Variants in TESK2 observed in about 807,000 individuals in gnomAD.
TESK2 encodes testis associated actin remodelling kinase 2, also known as dual specificity testis-specific protein kinase 2.
Under a neutral mutation model 57.1 loss-of-function variants are expected in TESK2, and 39 were observed. That is an observed-to-expected ratio of 0.68 (90% CI 0.53 to 0.89). The LOEUF (loss-of-function observed/expected upper bound fraction) is 0.89, where lower values mean the gene tolerates loss of function less well. Among genes scored for constraint, TESK2 ranks in the 40% least tolerant of loss-of-function variants. The pLI is 0.00. For missense variants in TESK2, 646 were observed against 732.1 expected, an observed-to-expected ratio of 0.88 and a Z score of 1.36; for synonymous variants, 249 against 267.9, an observed-to-expected ratio of 0.93 and a Z score of 0.69.
rs1435059197 is a variant in TESK2, at chr1:45,345,574, G to A, written c.998-16C>T. ...TCCAAGAGTCCTGAAGAATAATCAA[G>A]TCTGGGTTACTCTCACTAGTCATAA... On this transcript the variant is annotated splice_polypyrimidine_tract_variant and intron_variant, in intron 10 of 10. Coordinates refer to ENST00000372086, the MANE Select transcript of TESK2 (RefSeq NM_007170.3). 2 of 1,602,496 alleles carry A rather than the reference G, an allele frequency of 1.2e-6. No homozygotes were observed. The highest frequency in any genetic ancestry group is 1.3e-5 in the African/African-American group (1 of 74,752).
At chr1:45,471,305 C>T (rs1652752600) in intron 1 of TESK2, among the ~76,000 whole-genome samples, 1 of 152,176 alleles carries the variant, frequency 6.6e-6, no homozygotes, top group Non-Finnish European at 1.5e-5. Context: ...TATTGCCTCT[C>T]TGGTAGGAGG....
chr1:45,452,372 T>A (rs146472553), intron 2 of TESK2, among the ~76,000 whole-genome samples: 1 of 152,098 alleles, frequency 6.6e-6, no homozygotes, highest in African/African-American at 2.4e-5. Context: ...ATTAACATAA[T>A]AATGACTTCA....
intron 1 of TESK2, among the ~76,000 whole-genome samples, chr1:45,465,523 A>C (rs1242966884): frequency 2.0e-5 from 3 of 151,996 alleles, no homozygotes; most frequent in African/African-American, 7.3e-5. Flanking sequence ...AAAGAAAGAA[A>C]AAGAGAAAAA....
chr1:45,434,985 A>G (rs1017067926), intron 2 of TESK2, among the ~76,000 whole-genome samples: 20 of 143,142 alleles, frequency 1.4e-4, no homozygotes, highest in African/African-American at 5.2e-4. Context: ...TTTTTTTGAG[A>G]CAAGGTCTCT....
At position 45,421,783 on chromosome 1, in the gene TESK2, C is replaced by G; in HGVS notation, c.286G>C (p.Ala96Pro). ...LKMNTLSSNR[A>P]NMLKEVQLMN... is the part of the protein sequence containing the mutation. ...AGCTGTACTTCTTTCAGCATGTTTG[C>G]CCGGTTACTGCTCAATGTGTTCATC... is the stretch of plus-strand genomic sequence containing the variant. The change falls in exon 3 of 11, where the codon GCA becomes CCA. Residue 96 changes from alanine to proline, a missense_variant. Ala to Pro is a conservative substitution (Grantham distance 27). Coordinates refer to ENST00000372086, the MANE Select transcript of TESK2 (RefSeq NM_007170.3). The G allele has an allele frequency of 6.2e-7, 1 of 1,614,070 alleles. No homozygotes were observed. Among genetic ancestry groups the G allele is most frequent in the Non-Finnish European group, 8.5e-7 (1 of 1,179,992 alleles).
At chr1:45,415,213 T>C (rs767250693) in intron 3 of TESK2, 40 of 1,495,076 alleles carry the variant, frequency 2.7e-5, no homozygotes, top group Non-Finnish European at 3.6e-5. Flanking sequence ...ATGTGTCCGG[T>C]TGGATGGCAA....
At chr1:45,346,935 A>T in intron 8 of TESK2, 44 bp downstream of exon 8, 1 of 1,602,306 alleles carries the variant, frequency 6.2e-7, no homozygotes, top group Non-Finnish European at 8.6e-7. Context: ...CATTGCTTCA[A>T]ACTAGCCCCA....
At chr1:45,454,934 C>A (rs1652013867) in intron 2 of TESK2, among the ~76,000 whole-genome samples, 1 of 152,004 alleles carries the variant, frequency 6.6e-6, no homozygotes, top group Non-Finnish European at 1.5e-5. Context: ...TATAAGGTAC[C>A]TAGAATAAGC....
chr1:45,437,090 T>C (rs1334524350), intron 2 of TESK2, among the ~76,000 whole-genome samples: 2 of 152,302 alleles, frequency 1.3e-5, no homozygotes, highest in African/African-American at 4.8e-5. Context: ...CCGCTGCGCC[T>C]GACCCAACAT....
intron 1 of TESK2, among the ~76,000 whole-genome samples, chr1:45,477,921 G>A (rs1653067044): frequency 6.6e-6 from 1 of 152,242 alleles, no homozygotes; most frequent in Non-Finnish European, 1.5e-5. Context: ...TCTAGCTCTT[G>A]TAGTAATCTG....
intron 4 of TESK2, among the ~76,000 whole-genome samples, chr1:45,370,981 C>T (rs909547930): frequency 1.5e-4 from 23 of 151,862 alleles, no homozygotes; most frequent in African/African-American, 5.6e-4. Context: ...CAGAAATAAA[C>T]ACCTATCAAC....
At chr1:45,359,968 T>A (rs993071286) in intron 4 of TESK2, among the ~76,000 whole-genome samples, 7 of 152,124 alleles carry the variant, frequency 4.6e-5, no homozygotes, top group Non-Finnish European at 2.9e-5. Context: ...AAGAACCAGT[T>A]GGGGGCAGCA....
chr1:45,373,763 C>T (rs990329854), intron 4 of TESK2, among the ~76,000 whole-genome samples: 16 of 152,138 alleles, frequency 1.1e-4, no homozygotes, highest in African/African-American at 3.6e-4. Context: ...AAAGTAAATA[C>T]AGAAAGTGCA....
chr1:45,414,019 C>A, intron 3 of TESK2: 1 of 340,896 alleles, frequency 2.9e-6, no homozygotes, highest in Non-Finnish European at 5.8e-6. Context: ...TTCTAAGAAC[C>A]TTGAGAATAA....
At chr1:45,415,641 G>A (rs1172794318) in intron 3 of TESK2, among the ~76,000 whole-genome samples, 1 of 152,294 alleles carries the variant, frequency 6.6e-6, no homozygotes, top group East Asian at 1.9e-4. Flanking sequence ...AACATTTACT[G>A]AGCACTTACC....
chr1:45,344,755 G>T lies in TESK2; in HGVS notation c.*85C>A. 7.6e-7 allele frequency: 1 copy of T among 1,320,474 alleles called. No homozygotes were observed. 81.8% of individuals were successfully genotyped at this position (1,320,474 alleles called of 1,614,324 possible). A position where few individuals can be genotyped will look rare whatever the true frequency, so the allele number is the denominator to read the frequency against. On this transcript the variant is annotated 3_prime_UTR_variant, in exon 11 of 11. Coordinates refer to ENST00000372086, the MANE Select transcript of TESK2 (RefSeq NM_007170.3). ...TAGCCTGCCTGCTCTGTAGGCTCCA[G>T]GGAAGAATCAAGGCTGTGCACCTAG...
intron 3 of TESK2, among the ~76,000 whole-genome samples, chr1:45,394,274 T>TGTCTCAGC (rs1649268052): frequency 6.6e-6 from 1 of 151,442 alleles, no homozygotes; most frequent in Admixed American, 6.6e-5. Context: ...CCTGTCTCAC[T>TGTCTCAGC]GTCTCAGCCT....
At chr1:45,387,132 G>T (rs1163274474) in intron 3 of TESK2, among the ~76,000 whole-genome samples, 2 of 152,116 alleles carry the variant, frequency 1.3e-5, no homozygotes, top group African/African-American at 4.8e-5. Flanking sequence ...GCAAGACCTG[G>T]TGGTAAAAAG....
intron 3 of TESK2, among the ~76,000 whole-genome samples, chr1:45,394,570 G>T (rs1400645639): frequency 6.6e-6 from 1 of 151,168 alleles, no homozygotes; most frequent in Non-Finnish European, 1.5e-5. Flanking sequence ...TAAACTCCCA[G>T]GTGATGCTGA....
Sources: allele counts gnomAD v4.1 joint callset (sites outside exome capture counted in the v4.1 genomes callset), GRCh38; gene constraint gnomAD v4.1.1; transcripts MANE v1.5; gene names NCBI Gene and HGNC (gene_info 2026-07-23, HGNC 2026-07-21).